SPATA21: variants seen among roughly 807,000 people sequenced by gnomAD.
SPATA21 encodes spermatogenesis-associated protein 21.
In SPATA21, 47 loss-of-function variants were observed where a neutral mutation model predicts 54.8. The ratio of observed to expected loss-of-function variants is 0.86; its 90% CI spans 0.68 to 1.09. SPATA21 has a LOEUF of 1.09. Ranked by LOEUF, SPATA21 falls within the 50% of genes least tolerant of loss-of-function variation. The probability of loss-of-function intolerance (pLI) is 0.00; values close to 1 mark genes in which losing one functional copy is unlikely to be tolerated. For synonymous variants in SPATA21, 245 were observed against 235.3 expected (o/e 1.04, Z -0.38); for missense variants, 599 against 596.4 (o/e 1.00, Z -0.05).
intron 10 of SPATA21, among the ~76,000 whole-genome samples, 171 bp from the exon 11 acceptor site, chr1:16,401,063 C>T (rs1048501999): frequency 2.0e-4 from 31 of 152,198 alleles, no homozygotes; most frequent in African/African-American, 7.0e-4. Flanking sequence ...CAAGTCACTG[C>T]CCTGCTCTGG....
chr1:16,422,230 C>T (rs924856485), intron 3 of SPATA21: 44 of 1,403,390 alleles, frequency 3.1e-5, no homozygotes, highest in Non-Finnish European at 3.7e-5. Context: ...TGGGGAGCTC[C>T]ATCCTCGTTC....
rs144300481 is a variant in SPATA21, at chr1:16,429,653, T to C, written c.34+1685A>G. 3.6e-3 allele frequency among the ~76,000 whole-genome samples: 539 copies of C among 151,352 alleles called. 3 individuals carry two copies. The highest frequency in any genetic ancestry group is 0.021 in the Admixed American group (320 of 15,238). ...CCATGCCAGGCTAATTTTGTATTTT[T>C]AGTAGAGACTGGGTTTCTCCATGTT... is the stretch of plus-strand genomic sequence containing the variant. On this transcript the variant is annotated intron_variant, in intron 3 of 12. Transcript: ENST00000335496.
intron 3 of SPATA21, chr1:16,427,939 G>C (rs1050795692): frequency 1.3e-6 from 2 of 1,550,284 alleles, no homozygotes; most frequent in Admixed American, 3.9e-5. Flanking sequence ...TCTGAGTCTG[G>C]GCCCCTTCTC....
Position 16,409,063 on chromosome 1 carries a change from C to G in SPATA21, c.673+55G>C. The G allele has an allele frequency of 6.3e-7, 1 of 1,589,246 alleles. No homozygotes were observed. Among genetic ancestry groups the G allele is most frequent in the Non-Finnish European group, 8.6e-7 (1 of 1,158,020 alleles). On this transcript the variant is annotated intron_variant, in intron 7 of 12. Coordinates refer to ENST00000335496, the MANE Select transcript of SPATA21 (RefSeq NM_198546.1). The surrounding 1 kb of genome is among the most constrained non-coding windows in gnomAD (Gnocchi z 4.1). ...CAGTCCGCCCTGCGCCTATAAACCC[C>G]CAAGGACCAAGGGTCCTGCCTGTGC...
chr1:16,422,509 A>G (rs867844797), intron 3 of SPATA21, among the ~76,000 whole-genome samples: 8 of 142,874 alleles, frequency 5.6e-5, no homozygotes, highest in East Asian at 4.1e-4. Context: ...GTGTGTGTGT[A>G]TTTTTTTTTT....
At position 16,398,822 on chromosome 1, in the gene SPATA21, C is replaced by T. The variant is rs761284449; in HGVS notation, c.1353G>A (p.Arg451=). Residue 451 remains arginine, a splice_region_variant and synonymous_variant, in exon 13 of 13, where the codon AGG becomes AGA. Transcript: ENST00000335496. The part of the protein sequence containing the change: ...PFFQSGSQGN[R]EHNSDSRKWL... ...ACTTTCTGCTGTCAGAGTTGTGTTC[C>T]CTGGGGAGAGGAGTAGGGCAGAAGG... is the stretch of plus-strand genomic sequence containing the variant. 3.7e-6 allele frequency: 6 copies of T among 1,612,458 alleles called. No individual in the cohort carries two copies. In the Admixed American group the frequency reaches 6.7e-5, roughly 18 times the overall value.
intron 7 of SPATA21, 24 bp from the exon 8 acceptor site, chr1:16,405,128 G>C: frequency 1.3e-6 from 2 of 1,588,432 alleles, no homozygotes; most frequent in Non-Finnish European, 1.7e-6. Context: ...AGGGTTATGT[G>C]GAGTGGGGGC....
At chr1:16,436,705 G>A (rs2086593912) in intron 1 of SPATA21, among the ~76,000 whole-genome samples, 1 of 151,906 alleles carries the variant, frequency 6.6e-6, no homozygotes, top group Non-Finnish European at 1.5e-5. Context: ...GATGGAGGTT[G>A]CAGTGAGCAG....
At chr1:16,416,507 G>A (rs776269013) in intron 5 of SPATA21, among the ~76,000 whole-genome samples, 64 of 152,164 alleles carry the variant, frequency 4.2e-4, no homozygotes, top group Non-Finnish European at 4.3e-4. Context: ...GCGAAACTCT[G>A]TCTCTATTAA....
intron 2 of SPATA21, among the ~76,000 whole-genome samples, chr1:16,432,078 C>CTTTCTT (rs1206111047): frequency 1.3e-5 from 2 of 151,230 alleles, no homozygotes; most frequent in African/African-American, 4.9e-5. Context: ...TGGACACATC[C>CTTTCTT]TTTCTTTTTC....
chr1:16,430,939 G>A (rs2086442261), intron 3 of SPATA21, among the ~76,000 whole-genome samples: 1 of 152,186 alleles, frequency 6.6e-6, no homozygotes. Context: ...TCCTGGAGTG[G>A]CCAGGGCAAT....
chr1:16,401,322 TCTCA>T (rs1181357225), intron 10 of SPATA21, among the ~76,000 whole-genome samples: 8 of 152,066 alleles, frequency 5.3e-5, no homozygotes, highest in African/African-American at 1.7e-4. Flanking sequence ...GGAGACAGAG[TCTCA>T]CTCTGTTACC....
chr1:16,422,245 G>A, intron 3 of SPATA21: 2 of 1,389,010 alleles, frequency 1.4e-6, no homozygotes, highest in Non-Finnish European at 1.9e-6. Context: ...TCGTTCCCAG[G>A]TGAACCTCAA....
rs530941221 is a variant in SPATA21 at position 16,406,925 on chromosome 1, G to T, written c.674-1821C>A. On this transcript the variant is annotated intron_variant, in intron 7 of 12. Coordinates refer to ENST00000335496, the MANE Select transcript of SPATA21 (RefSeq NM_198546.1). ...CTTGGACTTCCAGCCTGTGACAAAA[G>T]AAATGTCTGCTGTTTCAACCATCCA... 2.0e-5 allele frequency among the ~76,000 whole-genome samples: 3 copies of T among 152,312 alleles called. No homozygotes were observed. In the South Asian group the frequency reaches 6.2e-4, roughly 32 times the overall value.
chr1:16,414,594 G>C (rs114515972), intron 5 of SPATA21, among the ~76,000 whole-genome samples: 3 of 152,124 alleles, frequency 2.0e-5, no homozygotes, highest in African/African-American at 7.2e-5. Flanking sequence ...CAAACAGTAC[G>C]GTTGAAATAA....
chr1:16,401,598 A>G (rs922757971), intron 10 of SPATA21, among the ~76,000 whole-genome samples: 1 of 152,104 alleles, frequency 6.6e-6, no homozygotes, highest in African/African-American at 2.4e-5. Context: ...ATTACCTATG[A>G]TTACCTATGA....
Position 16,431,330 on chromosome 1 carries a change from GGTTCTACCCTCC to G in SPATA21, c.30_34+7del. ...GACTTGGCTGCGTCCCTGGAGCCTT[GGTTCTACCCTCC>G]GTGTACATCTGGGTGTTTCTATTGT... is the stretch of plus-strand genomic sequence containing the variant. On this transcript the variant is annotated splice_donor_variant and splice_donor_5th_base_variant and coding_sequence_variant and intron_variant, in exon 3 of 13. Coordinates refer to ENST00000335496, the MANE Select transcript of SPATA21 (RefSeq NM_198546.1). LOFTEE classifies it high-confidence loss of function. 1 of 1,614,096 alleles carries G rather than the reference GGTTCTACCCTCC, an allele frequency of 6.2e-7. No individual in the cohort carries two copies. Among genetic ancestry groups the G allele is most frequent in the Non-Finnish European group, 8.5e-7 (1 of 1,180,014 alleles).
At chr1:16,401,493 G>A (rs991138700) in intron 10 of SPATA21, among the ~76,000 whole-genome samples, 1 of 152,024 alleles carries the variant, frequency 6.6e-6, no homozygotes. Context: ...ACGTGGTCTC[G>A]CTGTGTTGCC....
chr1:16,410,036 C>G lies in SPATA21; in HGVS notation c.152G>C (p.Arg51Thr), dbSNP rs1259897523. ...APGPLPPPEV[R>T]DIGERREPDR... ...TGGCTCCCGCCTCTCTCCAATGTCC[C>G]TCACCTCCTGGGGACAGGGGAGGGG... is the stretch of plus-strand genomic sequence containing the variant. The change falls in exon 6 of 13, where the codon AGG (arginine) becomes ACG (threonine). Residue 51 changes from arginine to threonine, a missense_variant. Physicochemically the swap from Arg to Thr is moderately conservative, Grantham distance 71 (BLOSUM62 -1). Transcript: ENST00000335496. 1 of 1,558,572 alleles carries G rather than the reference C, an allele frequency of 6.4e-7. No individual in the cohort carries two copies. The highest frequency in any genetic ancestry group is 8.6e-7 in the Non-Finnish European group (1 of 1,156,460).
Sources: gnomAD v4.1 joint callset for allele counts (sites outside exome capture counted in the v4.1 genomes callset) on GRCh38, gnomAD v4.1.1 for gene constraint, Gnocchi (gnomAD v3.1) non-coding constraint, MANE v1.5 for transcripts, NCBI Gene and HGNC (gene_info 2026-07-23, HGNC 2026-07-21) for gene names.